XIRP2: variants seen among roughly 807,000 people sequenced by gnomAD.
XIRP2 encodes xin actin-binding repeat-containing protein 2.
Under a neutral mutation model 277.0 loss-of-function variants are expected in XIRP2, and 236 were observed. That is an observed-to-expected ratio of 0.85 (90% CI 0.77 to 0.95). The LOEUF (loss-of-function observed/expected upper bound fraction) is 0.95. Ranked by LOEUF, XIRP2 falls within the 40% of genes least tolerant of loss-of-function variation. The probability of loss-of-function intolerance (pLI) is 0.00; values close to 1 mark genes in which losing one functional copy is unlikely to be tolerated. For synonymous variants in XIRP2, 1,490 were observed against 1,416.5 expected (o/e 1.05, Z -1.17); for missense variants, 4,640 against 4,157.5 (o/e 1.12, Z -3.19).
In XIRP2 at chr2:167,246,647, C is replaced by A. The variant is rs768277098; in HGVS notation, c.5255C>A (p.Ala1752Asp). The A allele has an allele frequency of 1.9e-6, 3 of 1,613,562 alleles. No homozygotes were observed. Among genetic ancestry groups the A allele is most frequent in the Non-Finnish European group, 2.5e-6 (3 of 1,179,822 alleles). Residue 1752 changes from alanine to aspartate, a missense_variant, in exon 9 of 11, where the codon GCT becomes GAT. Coordinates refer to ENST00000409195, the MANE Select transcript of XIRP2 (RefSeq NM_152381.6). ...NVQFFTTCIEAGALDYLKQLH... is the reference protein window; with the variant it reads ...NVQFFTTCIEDGALDYLKQLH... ...CAGTTTTTCACAACCTGCATAGAAGCTGGAGCTTTGGATTATCTGAAACAA... is the reference window on the plus strand; with the variant it reads ...CAGTTTTTCACAACCTGCATAGAAGATGGAGCTTTGGATTATCTGAAACAA...
chr2:167,240,789 T>G (rs1346927617), intron 7 of XIRP2, 53 bp downstream of exon 7: 1 of 1,491,736 alleles, frequency 6.7e-7, no homozygotes, highest in Non-Finnish European at 9.4e-7. Flanking sequence ...TTGATGTGTT[T>G]GATTTTGAAT....
At position 167,259,072 on chromosome 2, in the gene XIRP2, A is replaced by C. The variant is rs759782506; in HGVS notation, c.*1255A>C. 26 of 1,611,700 alleles carry C rather than the reference A, an allele frequency of 1.6e-5. No homozygotes were observed. The Admixed American group carries it at 3.8e-4, about 24-fold the overall frequency. ...ACTTTTTCTTTTCTAACACCGTGAA[A>C]ATCACTGCATTTTCCAAGAAAAATG... On this transcript the variant is annotated 3_prime_UTR_variant, in exon 11 of 11. Coordinates refer to ENST00000409195, the MANE Select transcript of XIRP2 (RefSeq NM_152381.6).
At chr2:167,079,400 A>G (rs1689669672) in intron 2 of XIRP2, among the ~76,000 whole-genome samples, 1 of 152,234 alleles carries the variant, frequency 6.6e-6, no homozygotes, top group African/African-American at 2.4e-5. Flanking sequence ...CAGTTCAAGT[A>G]GAATTGGTAC....
chr2:166,984,586 AGG>A (rs1435151050), intron 2 of XIRP2, among the ~76,000 whole-genome samples: 1 of 152,192 alleles, frequency 6.6e-6, no homozygotes. Context: ...TATCATCTTA[AGG>A]TTTTTGAATG....
chr2:167,048,152 A>G (rs535472052), intron 2 of XIRP2, among the ~76,000 whole-genome samples: 18 of 152,136 alleles, frequency 1.2e-4, no homozygotes, highest in African/African-American at 4.3e-4. Flanking sequence ...CAAGTAATAG[A>G]TGCATCTACT....
Position 167,246,197 on chromosome 2 carries a change from G to A in XIRP2, c.4805G>A (p.Arg1602Lys), listed in dbSNP as rs768222522. The A allele has an allele frequency of 3.1e-6, 5 of 1,612,802 alleles. No homozygotes were observed. The Admixed American group carries it at 6.7e-5, about 22-fold the overall frequency. Residue 1602 changes from arginine to lysine, a missense_variant, in exon 9 of 11, where the codon AGG becomes AAG. Coordinates refer to ENST00000409195, the MANE Select transcript of XIRP2 (RefSeq NM_152381.6). Reference sequence around the variant, plus strand: ...GAGATACAGAAAGAAGAAATTATCAGGGCTGATCTCAGAAATATAATGGTG... The same window carrying A: ...GAGATACAGAAAGAAGAAATTATCAAGGCTGATCTCAGAAATATAATGGTG... ...SPEIQKEEII[R>K]ADLRNIMVNL...
At chr2:167,110,885 A>G (rs959651961) in intron 2 of XIRP2, among the ~76,000 whole-genome samples, 1 of 152,114 alleles carries the variant, frequency 6.6e-6, no homozygotes, top group African/African-American at 2.4e-5. Flanking sequence ...GAGAAATTTC[A>G]TCACCCTGGT....
At chr2:166,982,490 T>C (rs1436151005) in intron 2 of XIRP2, among the ~76,000 whole-genome samples, 1 of 152,054 alleles carries the variant, frequency 6.6e-6, no homozygotes, top group African/African-American at 2.4e-5. Flanking sequence ...ACTTTTGATA[T>C]AGTCCCAGGG....
rs1559042919 is a variant in XIRP2, at chr2:167,248,522, CACATCTCCT to C, written c.7131_7139del (p.His2378_Leu2380del). 4 of 1,613,710 alleles carry C rather than the reference CACATCTCCT, an allele frequency of 2.5e-6. No homozygotes were observed. Among genetic ancestry groups the C allele is most frequent in the Non-Finnish European group, 3.4e-6 (4 of 1,179,832 alleles). ...CCTCCAACTCCATCTCAAAAGCCAG[CACATCTCCT>C]TTCCTCCTCTGCTCCGGAAAAGCAC... On this transcript the variant is annotated inframe_deletion, in exon 9 of 11. Coordinates refer to ENST00000409195, the MANE Select transcript of XIRP2 (RefSeq NM_152381.6).
At chr2:167,167,392 C>T (rs1428747302) in intron 3 of XIRP2, among the ~76,000 whole-genome samples, 1 of 152,026 alleles carries the variant, frequency 6.6e-6, no homozygotes, top group Non-Finnish European at 1.5e-5. Context: ...ATATCAGTTG[C>T]TCCTGTTGTT....
intron 3 of XIRP2, among the ~76,000 whole-genome samples, chr2:167,188,549 T>C (rs957540936): frequency 6.6e-6 from 1 of 152,230 alleles, no homozygotes; most frequent in Non-Finnish European, 1.5e-5. Flanking sequence ...GAGCCATGAA[T>C]TTTAATATGA....
intron 2 of XIRP2, among the ~76,000 whole-genome samples, chr2:166,982,465 CAT>C (rs1196972250): frequency 6.6e-6 from 1 of 151,744 alleles, no homozygotes; most frequent in Non-Finnish European, 1.5e-5. Flanking sequence ...TTCTAGAAGA[CAT>C]ATGTATTTTA....
chr2:166,927,789 ATG>A (rs1432804605), intron 2 of XIRP2, among the ~76,000 whole-genome samples: 3 of 151,964 alleles, frequency 2.0e-5, no homozygotes, highest in East Asian at 1.9e-4. Flanking sequence ...CTTGGTGGGG[ATG>A]TGTGTGTGGG....
chr2:167,255,279 C>T (rs529086786), intron 10 of XIRP2, among the ~76,000 whole-genome samples: 29 of 151,944 alleles, frequency 1.9e-4, no homozygotes, highest in Non-Finnish European at 2.8e-4. Context: ...ATCTCAATGA[C>T]TGATATACTT....
At chr2:167,036,532 T>C (rs934618200) in intron 2 of XIRP2, among the ~76,000 whole-genome samples, 3 of 152,132 alleles carry the variant, frequency 2.0e-5, no homozygotes, top group African/African-American at 7.2e-5. Flanking sequence ...TGTACCCCCA[T>C]TGTATCTAGG....
chr2:167,174,193 C>T (rs1692774611), intron 3 of XIRP2, among the ~76,000 whole-genome samples: 1 of 152,058 alleles, frequency 6.6e-6, no homozygotes, highest in South Asian at 2.1e-4. Context: ...GGAATGGTAC[C>T]AACTCCTGTT....
chr2:166,963,994 G>C (rs768686424), intron 2 of XIRP2, among the ~76,000 whole-genome samples: 2 of 151,736 alleles, frequency 1.3e-5, no homozygotes, highest in African/African-American at 2.4e-5. Flanking sequence ...CAGGTGGTGG[G>C]AGACAGGATA....
intron 5 of XIRP2, among the ~76,000 whole-genome samples, chr2:167,222,665 T>C (rs950297430): frequency 2.0e-5 from 3 of 152,166 alleles, no homozygotes; most frequent in Non-Finnish European, 4.4e-5. Context: ...ATCCACTCAC[T>C]GTAACAGTCT....
At chr2:166,961,399 T>C (rs147314866) in intron 2 of XIRP2, among the ~76,000 whole-genome samples, 219 of 151,834 alleles carry the variant, frequency 1.4e-3, no homozygotes, top group African/African-American at 5.0e-3. Context: ...CTTTAAATTG[T>C]TCTTAATGCT....
Sources: gnomAD v4.1 joint callset for allele counts (sites outside exome capture counted in the v4.1 genomes callset) on GRCh38, gnomAD v4.1.1 for gene constraint, MANE v1.5 for transcripts, NCBI Gene and HGNC (gene_info 2026-07-23, HGNC 2026-07-21) for gene names.